Variants in WWOX observed in about 807,000 individuals in gnomAD.
WWOX encodes the protein WW domain-containing oxidoreductase.
A neutral mutation model predicts 46.2 loss-of-function variants in WWOX; 69 were observed. The ratio of observed to expected loss-of-function variants is 1.49; its 90% CI spans 1.23 to 1.82. The LOEUF is 1.82. WWOX is among the 40% of genes most tolerant of loss of function. The pLI is 0.00. For synonymous variants in WWOX, 359 were observed against 202.6 expected (o/e 1.77, Z -6.56); for missense variants, 919 against 542.6 (o/e 1.69, Z -6.89).
At chr16:78,502,754 A>G (rs576979933) in intron 8 of WWOX, among the ~76,000 whole-genome samples, 1 of 152,274 alleles carries the variant, frequency 6.6e-6, no homozygotes, top group South Asian at 2.1e-4. Flanking sequence ...CATCAGAAAA[A>G]AGTCATCATT....
At chr16:79,136,157 A>G (rs1001231275) in intron 8 of WWOX, among the ~76,000 whole-genome samples, 2 of 152,134 alleles carry the variant, frequency 1.3e-5, no homozygotes, top group African/African-American at 2.4e-5. Context: ...TGAACAGGAA[A>G]TATTTATACC....
intron 8 of WWOX, among the ~76,000 whole-genome samples, chr16:78,847,612 A>G (rs1029039179): frequency 2.6e-5 from 4 of 151,862 alleles, no homozygotes; most frequent in African/African-American, 9.7e-5. Context: ...GGGATTACAG[A>G]CTTGAGCCAC....
At chr16:78,848,704 C>T (rs567714728) in intron 8 of WWOX, among the ~76,000 whole-genome samples, 212 of 152,260 alleles carry the variant, frequency 1.4e-3, no homozygotes, top group Non-Finnish European at 2.1e-3. Context: ...TCAGTCTGCT[C>T]TCCTCCTACC....
chr16:78,271,530 T>G (rs1164446364), intron 5 of WWOX, among the ~76,000 whole-genome samples: 2 of 152,208 alleles, frequency 1.3e-5, no homozygotes, highest in Non-Finnish European at 2.9e-5. Context: ...AAGATGTGGA[T>G]GTAGGCAGGG....
At chr16:78,769,805 G>C (rs1286661277) in intron 8 of WWOX, among the ~76,000 whole-genome samples, 1 of 150,862 alleles carries the variant, frequency 6.6e-6, no homozygotes, top group Non-Finnish European at 1.5e-5. Flanking sequence ...CCAGGAGTTC[G>C]AGATCAGTGT....
intron 8 of WWOX, among the ~76,000 whole-genome samples, chr16:79,099,590 T>TGG (rs1157598754): frequency 2.9e-5 from 4 of 136,106 alleles, no homozygotes; most frequent in African/African-American, 1.2e-4. Context: ...GTGTGTGTGT[T>TGG]TGTGAGAGAG....
In WWOX at chr16:78,551,162, A is replaced by G. The variant is rs567533687; in HGVS notation, c.1056+118410A>G. On this transcript the variant is annotated intron_variant, in intron 8 of 8. Transcript: ENST00000566780. ...ATATTCCATGAAACAAATATCATGA[A>G]TTTATTCCATGAAACAAATATCGTG... The G allele has an allele frequency of 2.6e-5, 4 of 152,320 alleles. No homozygotes were observed. In the East Asian group the frequency reaches 7.7e-4, roughly 29 times the overall value. The allele number at this position is 152,320 out of a possible 1,614,324, so 9.4% of individuals were successfully genotyped here.
At chr16:78,272,950 C>G (rs1269733844) in intron 5 of WWOX, among the ~76,000 whole-genome samples, 2 of 152,128 alleles carry the variant, frequency 1.3e-5, no homozygotes, top group African/African-American at 4.8e-5. Flanking sequence ...ATTAGGGTCT[C>G]ATTTCCAAAA....
intron 5 of WWOX, among the ~76,000 whole-genome samples, chr16:78,212,159 G>A (rs2036579287): frequency 6.6e-6 from 1 of 152,212 alleles, no homozygotes; most frequent in Admixed American, 6.5e-5. Flanking sequence ...GGCCTCAGCT[G>A]TAGAGCTGCT....
At chr16:78,556,185 T>C (rs2044291837) in intron 8 of WWOX, among the ~76,000 whole-genome samples, 1 of 151,812 alleles carries the variant, frequency 6.6e-6, no homozygotes. Flanking sequence ...TTTTCTGCTT[T>C]AACAGCAAAT....
chr16:79,063,862 C>A (rs771420488), intron 8 of WWOX, among the ~76,000 whole-genome samples: 6 of 152,166 alleles, frequency 3.9e-5, no homozygotes, highest in Non-Finnish European at 7.3e-5. Context: ...TGCTGCTCTT[C>A]CTGAAATCAA....
At chr16:79,030,744 C>G (rs980184464) in intron 8 of WWOX, among the ~76,000 whole-genome samples, 2 of 152,114 alleles carry the variant, frequency 1.3e-5, no homozygotes. Context: ...CATTATCAAA[C>G]AAACACCATG....
At chr16:78,249,356 C>G (rs933562918) in intron 5 of WWOX, among the ~76,000 whole-genome samples, 1 of 152,232 alleles carries the variant, frequency 6.6e-6, no homozygotes, top group African/African-American at 2.4e-5. Context: ...TGCACTTTGC[C>G]AGGCGTGGGC....
chr16:79,138,501 G>T (rs542995628), intron 8 of WWOX, among the ~76,000 whole-genome samples: 46 of 152,238 alleles, frequency 3.0e-4, no homozygotes, highest in African/African-American at 1.9e-4. Context: ...CACTCCTGTG[G>T]CCCCACTGTG....
chr16:79,073,966 G>A (rs1207902082), intron 8 of WWOX, among the ~76,000 whole-genome samples: 2 of 150,846 alleles, frequency 1.3e-5, no homozygotes, highest in East Asian at 3.9e-4. Context: ...CTGGAGGAGG[G>A]TACCCTTCAC....
intron 8 of WWOX, among the ~76,000 whole-genome samples, chr16:78,859,565 C>T (rs1424590916): frequency 6.6e-6 from 1 of 152,080 alleles, no homozygotes; most frequent in African/African-American, 2.4e-5. Flanking sequence ...CAGATTTTTC[C>T]TGTCATTATG....
intron 8 of WWOX, among the ~76,000 whole-genome samples, chr16:78,743,720 C>G (rs1043337131): frequency 1.3e-5 from 2 of 152,142 alleles, no homozygotes; most frequent in African/African-American, 4.8e-5. Flanking sequence ...AACTTTGTAA[C>G]TTCGCTTCAC....
At chr16:79,073,390 G>T (rs1449323305) in intron 8 of WWOX, among the ~76,000 whole-genome samples, 3 of 151,988 alleles carry the variant, frequency 2.0e-5, no homozygotes, top group Non-Finnish European at 4.4e-5. Flanking sequence ...ATGTTGGCCA[G>T]GCTGGTCTCA....
chr16:78,552,822 T>C (rs2151545372), intron 8 of WWOX: 1 of 152,378 alleles, frequency 6.6e-6, no homozygotes, highest in Non-Finnish European at 1.5e-5. Context: ...CAGGTTTTAT[T>C]CTTATTGTGG....
Sources: gnomAD v4.1 joint callset for allele counts (sites outside exome capture counted in the v4.1 genomes callset) on GRCh38, gnomAD v4.1.1 for gene constraint, MANE v1.5 for transcripts, NCBI Gene and HGNC (gene_info 2026-07-23, HGNC 2026-07-21) for gene names.